Variants in CEP128 observed in about 807,000 individuals in gnomAD.
CEP128 encodes centrosomal protein 128, also known as centrosomal protein 128kDa.
In CEP128, 132 loss-of-function variants were observed where a neutral mutation model predicts 156.7. The ratio of observed to expected loss-of-function variants is 0.84; its 90% confidence interval spans 0.73 to 0.97. CEP128 has a LOEUF of 0.97. Among genes scored for constraint, CEP128 ranks in the 50% least tolerant of loss-of-function variants. The probability of loss-of-function intolerance (pLI) is 0.00; values close to 1 mark genes in which losing one functional copy is unlikely to be tolerated. For synonymous variants in CEP128, 469 were observed against 448.9 expected, an observed-to-expected ratio of 1.04 and a Z score of -0.57; for missense variants, 1,252 against 1,281.9, an observed-to-expected ratio of 0.98 and a Z score of 0.36.
chr14:80,925,482 C>G (rs1379145549), intron 2 of CEP128, among the ~76,000 whole-genome samples: 1 of 152,140 alleles, frequency 6.6e-6, no homozygotes, highest in Non-Finnish European at 1.5e-5. Context: ...CAAATCCATC[C>G]TTCATTGTCT....
intron 22 of CEP128, among the ~76,000 whole-genome samples, chr14:80,529,442 T>C (rs1231848613): frequency 6.6e-6 from 1 of 152,168 alleles, no homozygotes; most frequent in Non-Finnish European, 1.5e-5. Flanking sequence ...TTGGTAATAG[T>C]AGAGAATACA....
chr14:80,662,895 T>C (rs1895459278), intron 19 of CEP128, among the ~76,000 whole-genome samples: 1 of 152,176 alleles, frequency 6.6e-6, no homozygotes, highest in Non-Finnish European at 1.5e-5. Flanking sequence ...AGCTACCAAG[T>C]ACCTGAAATG....
chr14:80,874,999 GGA>G (rs1381970021), intron 8 of CEP128, among the ~76,000 whole-genome samples: 3 of 152,162 alleles, frequency 2.0e-5, no homozygotes, highest in East Asian at 1.9e-4. Context: ...AAAGAAAACC[GGA>G]GAGAATGGTC....
chr14:80,618,333 G>A (rs537666619), intron 19 of CEP128, among the ~76,000 whole-genome samples: 1 of 152,108 alleles, frequency 6.6e-6, no homozygotes, highest in Admixed American at 6.5e-5. Context: ...TCTTATTTTC[G>A]AATTTAAAAC....
At chr14:80,656,273 TTTTATTTATATATATATTTA>T (rs1291889930) in intron 19 of CEP128, among the ~76,000 whole-genome samples, 25 of 51,330 alleles carry the variant, frequency 4.9e-4, no homozygotes, top group African/African-American at 1.2e-3. Context: ...AAACCTAAGT[TTTTATTTATATATATATTTA>T]TATATATATA....
At chr14:80,654,424 T>G (rs1406319058) in intron 19 of CEP128, among the ~76,000 whole-genome samples, 1 of 152,092 alleles carries the variant, frequency 6.6e-6, no homozygotes, top group Admixed American at 6.6e-5. Flanking sequence ...AGTAAAGAAC[T>G]AGCTACACAG....
chr14:80,949,081 C>T (rs1164356715), intron 2 of CEP128, among the ~76,000 whole-genome samples: 1 of 152,136 alleles, frequency 6.6e-6, no homozygotes, highest in Non-Finnish European at 1.5e-5. Context: ...CAGATTTACC[C>T]TCCCACCAGA....
intron 19 of CEP128, among the ~76,000 whole-genome samples, chr14:80,652,057 A>G (rs1894929288): frequency 6.6e-6 from 1 of 151,870 alleles, no homozygotes; most frequent in Non-Finnish European, 1.5e-5. Flanking sequence ...TGACCATCGG[A>G]TCTTTGACAA....
At chr14:80,520,144 C>G (rs1398062706) in intron 23 of CEP128, among the ~76,000 whole-genome samples, 1 of 152,198 alleles carries the variant, frequency 6.6e-6, no homozygotes, top group Non-Finnish European at 1.5e-5. Flanking sequence ...GCAGGCCAGA[C>G]TCAGTGGCTC....
intron 20 of CEP128, among the ~76,000 whole-genome samples, chr14:80,576,519 T>A (rs1891361251): frequency 6.6e-6 from 1 of 152,180 alleles, no homozygotes; most frequent in Non-Finnish European, 1.5e-5. Context: ...CTCCATTGTT[T>A]GTGATTCCTC....
chr14:80,512,564 A>G (rs1888308703), intron 23 of CEP128, among the ~76,000 whole-genome samples: 1 of 151,848 alleles, frequency 6.6e-6, no homozygotes, highest in Non-Finnish European at 1.5e-5. Flanking sequence ...TTCTGATTGG[A>G]GAATTTAGTC....
At chr14:80,766,050 A>G (rs1055709914) in intron 16 of CEP128, among the ~76,000 whole-genome samples, 1 of 152,218 alleles carries the variant, frequency 6.6e-6, no homozygotes, top group African/African-American at 2.4e-5. Flanking sequence ...ACATATTGAC[A>G]TATTCAGAAT....
At position 80,836,272 on chromosome 14, in the gene CEP128, T is replaced by TA; in HGVS notation, c.989dup (p.Ser331IlefsTer13). ...TTGACTGTTGCTTGGAAATCTGAGA[T>TA]ACTTGATGCTGTAAACCCTTTCGAT... On this transcript the variant is annotated frameshift_variant, in exon 12 of 25. Transcript: ENST00000555265. LOFTEE classifies it high-confidence loss of function. 6.2e-7 allele frequency: 1 copy of TA among 1,614,056 alleles called. No individual in the cohort carries two copies. Among genetic ancestry groups the TA allele is most frequent in the Non-Finnish European group, 8.5e-7 (1 of 1,179,926 alleles).
intron 4 of CEP128, among the ~76,000 whole-genome samples, chr14:80,909,405 G>T (rs1252965538): frequency 1.3e-5 from 1 of 75,890 alleles, no homozygotes. Context: ...ACACACACAC[G>T]CAAACTCCCT....
At chr14:80,957,423 C>T (rs915540981) in intron 2 of CEP128, among the ~76,000 whole-genome samples, 1 of 151,444 alleles carries the variant, frequency 6.6e-6, no homozygotes, top group Admixed American at 6.6e-5. Flanking sequence ...CATTCAACCC[C>T]GAATTCCTGA....
chr14:80,771,221 T>C (rs112645044), intron 16 of CEP128, among the ~76,000 whole-genome samples: 3 of 152,334 alleles, frequency 2.0e-5, no homozygotes, highest in African/African-American at 7.2e-5. Flanking sequence ...TGGTAATTTG[T>C]TGAATGCAAT....
chr14:80,900,117 C>A (rs1169532834), intron 6 of CEP128, 88 bp from the exon 7 acceptor site: 5 of 793,802 alleles, frequency 6.3e-6, no homozygotes, highest in African/African-American at 1.7e-5. Context: ...AGATCTTGTT[C>A]CTTGCAATAA....
chr14:80,595,004 A>T (rs1282549290), intron 19 of CEP128, among the ~76,000 whole-genome samples: 1 of 152,196 alleles, frequency 6.6e-6, no homozygotes, highest in Admixed American at 6.5e-5. Context: ...AAATCATTCT[A>T]CTGTTAAAAC....
chr14:80,853,091 A>AAAAT (rs1264263452), intron 9 of CEP128, among the ~76,000 whole-genome samples: 1 of 151,902 alleles, frequency 6.6e-6, no homozygotes, highest in Non-Finnish European at 1.5e-5. Context: ...CATGATTTTT[A>AAAAT]AAATAAATAA....
Sources: gnomAD v4.1 joint callset for allele counts (sites outside exome capture counted in the v4.1 genomes callset) on GRCh38, gnomAD v4.1.1 for gene constraint, MANE v1.5 for transcripts, NCBI Gene and HGNC (gene_info 2026-07-23, HGNC 2026-07-21) for gene names.